The following PIK3CD variants were observed in gnomAD, a reference collection of about 807,000 sequenced individuals.
PIK3CD encodes the protein phosphatidylinositol-4,5-bisphosphate 3-kinase catalytic subunit delta, also known as phosphatidylinositol 4,5-bisphosphate 3-kinase catalytic subunit delta isoform.
Under a neutral mutation model 122.9 loss-of-function variants are expected in PIK3CD, and 20 were observed. The ratio of observed to expected loss-of-function variants is 0.16; its 90% CI spans 0.11 to 0.24. The LOEUF is 0.24. Ranked by LOEUF, PIK3CD falls within the 10% of genes least tolerant of loss-of-function variation. PIK3CD has a pLI of 1.00. For synonymous variants in PIK3CD, 596 were observed against 593.4 expected (o/e 1.00, Z -0.06); for missense variants, 787 against 1,406.3 (o/e 0.56, Z 7.04).
At position 9,710,725 on chromosome 1, in the gene PIK3CD, A is replaced by G; in HGVS notation, c.141+129A>G. On this transcript the variant is annotated intron_variant, in intron 3 of 23. Transcript: ENST00000377346. The surrounding 1 kb of genome is among the most constrained non-coding windows in gnomAD (Gnocchi z 4.7). ...GACGGACAGACAGATGGACAGATGC[A>G]CTGCTTTTCAGACTTGGGATCCTCA... is the stretch of plus-strand genomic sequence containing the variant. 1 of 957,808 alleles carries G rather than the reference A, an allele frequency of 1.0e-6. No individual in the cohort carries two copies. Among genetic ancestry groups the G allele is most frequent in the Non-Finnish European group, 1.7e-6 (1 of 599,302 alleles). The allele number at this position is 957,808 out of a possible 1,614,324, so 59.3% of individuals were successfully genotyped here.
intron 1 of PIK3CD, among the ~76,000 whole-genome samples, chr1:9,655,483 C>G (rs1298199271): frequency 2.5e-5 from 2 of 79,150 alleles, no homozygotes. Context: ...AACACTGTGA[C>G]TTGCTGTGGG....
chr1:9,724,986 C>T lies in PIK3CD; in HGVS notation c.2997+50C>T, dbSNP rs760563502. On this transcript the variant is annotated intron_variant, in intron 23 of 23. Coordinates refer to ENST00000377346, the MANE Select transcript of PIK3CD (RefSeq NM_005026.5). This position sits in a 1 kb window ranked among gnomAD's most constrained non-coding sequence, Gnocchi z 7.3. ...GTCGCCAGTGGACTTCCAAGGCCTG[C>T]CCCCGAGCAATGTGACCTAGGAGGG... The T allele has an allele frequency of 3.1e-6, 5 of 1,607,720 alleles. No homozygotes were observed. Among genetic ancestry groups the T allele is most frequent in the East Asian group, 2.2e-5 (1 of 44,810 alleles).
chr1:9,688,417 C>T (rs1281222451), intron 1 of PIK3CD: 1 of 152,254 alleles, frequency 6.6e-6, no homozygotes, highest in African/African-American at 2.4e-5. Flanking sequence ...GGTGCCAGCG[C>T]TAGCTCTGCC....
chr1:9,694,583 C>T (rs1302501847), intron 2 of PIK3CD, among the ~76,000 whole-genome samples: 2 of 152,114 alleles, frequency 1.3e-5, no homozygotes, highest in Non-Finnish European at 2.9e-5. Context: ...TGAAGCCTAC[C>T]GAGCAGCTAG....
chr1:9,701,789 G>A (rs549177794), intron 2 of PIK3CD, among the ~76,000 whole-genome samples: 4 of 152,162 alleles, frequency 2.6e-5, no homozygotes, highest in African/African-American at 9.6e-5. Context: ...TTCCTGTACA[G>A]GCAGGGAGAA....
intron 1 of PIK3CD, among the ~76,000 whole-genome samples, chr1:9,676,713 C>T (rs1262676299): frequency 1.3e-5 from 2 of 152,234 alleles, no homozygotes; most frequent in African/African-American, 4.8e-5. Flanking sequence ...CCCGTCACCT[C>T]CTTGAGTCCC....
rs1648063488 is a variant in PIK3CD at position 9,719,169 on chromosome 1, GCA to G, written c.1242+255_1242+256del. Reference sequence around the variant, plus strand: ...CTGGGCTGTGGTCCTGCAGGAACCTGCAGGTAGTGCCCTGGGATGGAAGGACA... The same window carrying G: ...CTGGGCTGTGGTCCTGCAGGAACCTGGGTAGTGCCCTGGGATGGAAGGACA... On this transcript the variant is annotated intron_variant, in intron 9 of 23. Coordinates refer to ENST00000377346, the MANE Select transcript of PIK3CD (RefSeq NM_005026.5). The surrounding 1 kb of genome is among the most constrained non-coding windows in gnomAD (Gnocchi z 5.5). Among the ~76,000 whole-genome samples the G allele has an allele frequency of 2.0e-5, 3 of 152,250 alleles. No individual in the cohort carries two copies. The highest frequency in any genetic ancestry group is 4.4e-5 in the Non-Finnish European group (3 of 68,034).
intron 1 of PIK3CD, among the ~76,000 whole-genome samples, chr1:9,683,780 T>C (rs1645862798): frequency 6.6e-6 from 1 of 152,168 alleles, no homozygotes; most frequent in Non-Finnish European, 1.5e-5. Context: ...CAGGACGGCC[T>C]GGCTCTGCTC....
At chr1:9,640,307 C>T in the PIK3CD span, among the ~76,000 whole-genome samples, 6 of 152,194 alleles carry the variant, frequency 3.9e-5, no homozygotes, top group South Asian at 2.1e-4. Context: ...AAGCCAGGCA[C>T]GGTGGCTCAC....
rs1351893012 is a variant in PIK3CD, at chr1:9,717,500, T to C, written c.931-37T>C. 3.8e-6 allele frequency: 6 copies of C among 1,597,384 alleles called. No homozygotes were observed. The South Asian group carries it at 6.6e-5, about 18-fold the overall frequency. On this transcript the variant is annotated intron_variant, in intron 7 of 23. Coordinates refer to ENST00000377346, the MANE Select transcript of PIK3CD (RefSeq NM_005026.5). This position sits in a 1 kb window ranked among gnomAD's most constrained non-coding sequence, Gnocchi z 5.4. ...TAGGCCAGGGAGACAAGCTGCACTTTGAGCCGTGTTAACAGCCCTGCTTCC... is the reference window on the plus strand; with the variant it reads ...TAGGCCAGGGAGACAAGCTGCACTTCGAGCCGTGTTAACAGCCCTGCTTCC...
rs923679221 is a variant in PIK3CD, at chr1:9,727,623, T to A, written c.*577T>A. ...ACTGTAAAGTGATTTTGTTTGCAGG[T>A]AAGAAAATAATAGATGACTCACCAC... On this transcript the variant is annotated 3_prime_UTR_variant, in exon 24 of 24. Transcript: ENST00000377346. 2.1e-4 allele frequency: 45 copies of A among 217,114 alleles called. No individual in the cohort carries two copies. Among genetic ancestry groups the A allele is most frequent in the African/African-American group, 9.6e-4 (42 of 43,694 alleles). The allele number at this position is 217,114 out of a possible 1,614,324, so 13.4% of individuals were successfully genotyped here.
At chr1:9,694,340 C>T (rs948645799) in intron 2 of PIK3CD, among the ~76,000 whole-genome samples, 2 of 152,006 alleles carry the variant, frequency 1.3e-5, no homozygotes, top group Non-Finnish European at 1.5e-5. Context: ...TTGAGACCAG[C>T]CTGGCCAACA....
At chr1:9,725,459 G>C (rs1379521495) in intron 23 of PIK3CD, among the ~76,000 whole-genome samples, 2 of 152,130 alleles carry the variant, frequency 1.3e-5, no homozygotes, top group Non-Finnish European at 2.9e-5. Context: ...GGAGGCTGAG[G>C]CAGGAGAATC....
At chr1:9,677,715 G>A (rs1645592760) in intron 1 of PIK3CD, among the ~76,000 whole-genome samples, 2 of 151,240 alleles carry the variant, frequency 1.3e-5, no homozygotes, top group Non-Finnish European at 1.5e-5. Flanking sequence ...CTTCCAGATC[G>A]TGCATGCGGA....
Position 9,724,864 on chromosome 1 carries a change from C to T in PIK3CD, c.2925C>T (p.Leu975=), listed in dbSNP as rs1022788050. The T allele has an allele frequency of 1.9e-6, 3 of 1,613,938 alleles. No homozygotes were observed. Among genetic ancestry groups the T allele is most frequent in the Non-Finnish European group, 1.7e-6 (2 of 1,180,040 alleles). Residue 975 remains leucine, a synonymous_variant, in exon 23 of 24, where the codon CTC becomes CTT. Transcript: ENST00000377346. This position sits in a 1 kb window ranked among gnomAD's most constrained non-coding sequence, Gnocchi z 7.3. ...TILRRHGLLF[L]HLFALMRAAG... The stretch of plus-strand genomic sequence containing the variant: ...TGCGGCGCCACGGGCTTCTCTTCCT[C>T]CACCTCTTTGCCCTGATGCGGGCGG...
rs759238357 is a variant in PIK3CD, at chr1:9,720,009, C to T, written c.1331C>T (p.Ser444Phe). The change falls in exon 10 of 24, where the codon TCC (serine) becomes TTC (phenylalanine). Residue 444 changes from serine to phenylalanine, a missense_variant. This residue lies in a region of PIK3CD where 592 missense variants were observed against 920.6 expected (regional missense o/e 0.64). Transcript: ENST00000377346. The surrounding 1 kb of genome is among the most constrained non-coding windows in gnomAD (Gnocchi z 9.0). ...GAACGCTGCCTCTACATGTGGCCCT[C>T]CGTCCCAGGTCGGCCCAGGCCCAGG... ...TGERCLYMWPSVPDEKGELLN... is the reference protein window; with the variant it reads ...TGERCLYMWPFVPDEKGELLN... 1.2e-6 allele frequency: 2 copies of T among 1,613,598 alleles called. No homozygotes were observed. The highest frequency in any genetic ancestry group is 1.7e-6 in the Non-Finnish European group (2 of 1,179,990).
upstream of PIK3CD, among the ~76,000 whole-genome samples, chr1:9,649,841 G>A (rs1195236631): frequency 3.3e-5 from 5 of 152,168 alleles, no homozygotes; most frequent in Middle Eastern, 3.2e-3. Flanking sequence ...CCTGGAGGTC[G>A]CTGCTGTCAA....
Position 9,716,639 on chromosome 1 carries a change from C to T in PIK3CD, c.780+20C>T. The T allele has an allele frequency of 6.5e-7, 1 of 1,549,430 alleles. No homozygotes were observed. Among genetic ancestry groups the T allele is most frequent in the South Asian group, 1.2e-5 (1 of 84,574 alleles). ...TTCCAGGTGAGGCCGCTGAGGCCCT[C>T]TGCACTCTGGGCTCCCAACGCCCTG... On this transcript the variant is annotated intron_variant, in intron 6 of 23. Transcript: ENST00000377346.
upstream of PIK3CD, chr1:9,651,700 C>T (rs2100670147): frequency 6.6e-6 from 1 of 151,834 alleles, no homozygotes; most frequent in South Asian, 2.1e-4. Flanking sequence ...CGGGGCGCCC[C>T]GGCGCGCCCC....
Sources: gnomAD v4.1 joint callset for allele counts (sites outside exome capture counted in the v4.1 genomes callset) on GRCh38, gnomAD v4.1.1 for gene constraint, gnomAD v4.1.1 regional missense constraint, Gnocchi (gnomAD v3.1) non-coding constraint, MANE v1.5 for transcripts, NCBI Gene and HGNC (gene_info 2026-07-23, HGNC 2026-07-21) for gene names.